Variants in SORBS2 observed in about 807,000 individuals in gnomAD.
The protein encoded by SORBS2 is sorbin and SH3 domain containing 2, also known as sorbin and SH3 domain-containing protein 2.
A neutral mutation model predicts 97.7 loss-of-function variants in SORBS2; 46 were observed. The ratio of observed to expected loss-of-function variants is 0.47; its 90% confidence interval spans 0.37 to 0.60. SORBS2 has a LOEUF of 0.60. SORBS2 is among the 20% of genes least tolerant of loss of function. SORBS2 has a pLI of 0.00. For synonymous variants in SORBS2, 476 were observed against 473.4 expected (o/e 1.01, Z -0.07); for missense variants, 1,316 against 1,282.3 (o/e 1.03, Z -0.40).
intron 2 of SORBS2, among the ~76,000 whole-genome samples, chr4:185,744,266 T>G (rs1293018030): frequency 6.6e-6 from 1 of 152,200 alleles, no homozygotes; most frequent in East Asian, 1.9e-4. Context: ...TTTGAAACAA[T>G]GTACCCCATT....
chr4:185,825,677 C>CAGGTA (rs1409815888), intron 1 of SORBS2, among the ~76,000 whole-genome samples: 1 of 152,112 alleles, frequency 6.6e-6, no homozygotes, highest in Non-Finnish European at 1.5e-5. Context: ...TTGTTGTTCT[C>CAGGTA]AGGTCCTGTG....
intron 1 of SORBS2, among the ~76,000 whole-genome samples, chr4:185,938,966 C>T (rs901919458): frequency 6.6e-5 from 10 of 152,278 alleles, no homozygotes; most frequent in Middle Eastern, 3.4e-3. Context: ...CATCACTACG[C>T]GGCTCAATCA....
At chr4:185,914,961 TC>T (rs2099257288) in intron 1 of SORBS2, among the ~76,000 whole-genome samples, 1 of 152,244 alleles carries the variant, frequency 6.6e-6, no homozygotes, top group Non-Finnish European at 1.5e-5. Context: ...ATGGATTTTT[TC>T]CATCTCCTTC....
intron 1 of SORBS2, among the ~76,000 whole-genome samples, chr4:185,905,143 G>A (rs2099250065): frequency 1.3e-5 from 2 of 151,860 alleles, no homozygotes; most frequent in Admixed American, 1.3e-4. Context: ...AACAGTGCCA[G>A]CCTACCAGAC....
At chr4:185,899,794 C>A (rs1365842412) in intron 1 of SORBS2, among the ~76,000 whole-genome samples, 1 of 152,174 alleles carries the variant, frequency 6.6e-6, no homozygotes, top group Non-Finnish European at 1.5e-5. Flanking sequence ...AGGCTTCGCA[C>A]GTTCTTTACA....
chr4:185,618,656 C>A, intron 8 of SORBS2, 25 bp from the exon 21 acceptor site: 1 of 1,485,630 alleles, frequency 6.7e-7, no homozygotes, highest in Admixed American at 1.8e-5. Flanking sequence ...AAACAATTAG[C>A]ACTAATTTAA....
intron 4 of SORBS2, 74 bp from the exon 14 acceptor site, chr4:185,639,109 A>AGC: frequency 7.4e-7 from 1 of 1,349,372 alleles, no homozygotes; most frequent in Non-Finnish European, 9.9e-7. Context: ...ACACCCTGGC[A>AGC]GCGCGCTGTG....
At position 185,941,893 on chromosome 4, in the gene SORBS2, T is replaced by C. The variant is rs114307608; in HGVS notation, c.-338+14303A>G. Among the ~76,000 whole-genome samples, 958 of 152,112 alleles carry C rather than the reference T, an allele frequency of 6.3e-3. 8 individuals carry two copies. The highest frequency in any genetic ancestry group is 0.021 in the African/African-American group (866 of 41,506). ...TACTTTGGGAGGCCAAGGTGGGCAG[T>C]TTGTCTGAGGTGAGGAGATCGAGAC... On this transcript the variant is annotated intron_variant, in intron 1 of 20. Coordinates refer to the SORBS2 transcript ENST00000284776.
chr4:185,681,679 C>T (rs1403380401), intron 2 of SORBS2, among the ~76,000 whole-genome samples: 3 of 152,180 alleles, frequency 2.0e-5, no homozygotes, highest in Admixed American at 6.5e-5. Flanking sequence ...AAGAGCTCCA[C>T]GTGCTCTTAC....
intron 12 of SORBS2, among the ~76,000 whole-genome samples, chr4:185,610,555 T>C (rs1181873771): frequency 6.6e-6 from 1 of 152,110 alleles, no homozygotes. Flanking sequence ...ATAAATAAAA[T>C]GCCAAGACTT....
At chr4:185,630,004 A>G (rs1402139231) in intron 5 of SORBS2, among the ~76,000 whole-genome samples, 2 of 152,114 alleles carry the variant, frequency 1.3e-5, no homozygotes, top group Non-Finnish European at 2.9e-5. Context: ...CCAACTGTGT[A>G]AACTTGGTAA....
At chr4:185,931,146 C>T (rs1469669737) in intron 1 of SORBS2, among the ~76,000 whole-genome samples, 1 of 152,042 alleles carries the variant, frequency 6.6e-6, no homozygotes, top group Non-Finnish European at 1.5e-5. Flanking sequence ...TATGATTCAT[C>T]ATTTTTATGC....
intron 1 of SORBS2, among the ~76,000 whole-genome samples, chr4:185,825,698 T>C (rs572489514): frequency 5.9e-5 from 9 of 152,276 alleles, no homozygotes; most frequent in African/African-American, 2.2e-4. Flanking sequence ...CACAGGCCTG[T>C]GGGAGGGGAG....
intron 2 of SORBS2, among the ~76,000 whole-genome samples, chr4:185,769,952 G>A (rs1237358341): frequency 2.2e-5 from 2 of 91,954 alleles, no homozygotes; most frequent in African/African-American, 1.0e-4. Context: ...CACCTATGAT[G>A]CTGTGTTTGG....
chr4:185,620,122 T>C, exon 8 of SORBS2: 2 of 1,612,122 alleles, frequency 1.2e-6, no homozygotes, highest in Non-Finnish European at 1.7e-6. Context: ...TCAGTCAAAG[T>C]GGATGAGTAA....
chr4:185,740,795 A>ACCAACTCAGCCCAGCG (rs1433119975), intron 2 of SORBS2, among the ~76,000 whole-genome samples: 1 of 152,160 alleles, frequency 6.6e-6, no homozygotes, highest in African/African-American at 2.4e-5. Context: ...TCAGCCCAGC[A>ACCAACTCAGCCCAGCG]CCAACTCAGC....
intron 1 of SORBS2, among the ~76,000 whole-genome samples, chr4:185,913,758 T>C (rs2099256601): frequency 6.6e-6 from 1 of 152,200 alleles, no homozygotes; most frequent in Admixed American, 6.5e-5. Flanking sequence ...TTAGGATGTA[T>C]GAATGACTCT....
chr4:185,951,006 A>G (rs1029286236), intron 1 of SORBS2, among the ~76,000 whole-genome samples: 6 of 152,228 alleles, frequency 3.9e-5, no homozygotes, highest in Non-Finnish European at 7.3e-5. Flanking sequence ...ATGGAATGTA[A>G]GATGGATTGA....
intron 2 of SORBS2, 32 bp from the exon 11 acceptor site, chr4:185,651,860 A>G (rs368814132): frequency 9.4e-7 from 1 of 1,062,768 alleles, no homozygotes; most frequent in African/African-American, 1.6e-5. Flanking sequence ...TTATGGTAAT[A>G]TAGATTGTCA....
Sources: gnomAD v4.1 joint callset for allele counts (sites outside exome capture counted in the v4.1 genomes callset) on GRCh38, gnomAD v4.1.1 for gene constraint, MANE v1.5 for transcripts, NCBI Gene and HGNC (gene_info 2026-07-23, HGNC 2026-07-21) for gene names.